The following FBXL7 variants were observed in gnomAD, a reference collection of about 807,000 sequenced individuals.
FBXL7 encodes the protein F-box and leucine rich repeat protein 7, also known as F-box/LRR-repeat protein 7.
Under a neutral mutation model 38.3 loss-of-function variants are expected in FBXL7, and 12 were observed. The observed-to-expected ratio is 0.31, with a 90% CI of 0.20 to 0.51. The LOEUF (loss-of-function observed/expected upper bound fraction) is 0.51. Ranked by LOEUF, FBXL7 falls within the 20% of genes least tolerant of loss-of-function variation. The pLI, the probability that FBXL7 is intolerant of heterozygous loss-of-function variation, is 0.98. For missense variants in FBXL7, 567 were observed against 676.4 expected (o/e 0.84, Z 1.79); for synonymous variants, 297 against 300.9 (o/e 0.99, Z 0.13).
At chr5:15,612,651 C>T (rs187375910) in intron 1 of FBXL7, among the ~76,000 whole-genome samples, 14 of 152,202 alleles carry the variant, frequency 9.2e-5, no homozygotes, top group East Asian at 3.9e-4. Context: ...TAAAGGAAGG[C>T]GCTCTACTCC....
intron 2 of FBXL7, among the ~76,000 whole-genome samples, chr5:15,756,540 T>C (rs1165400739): frequency 6.6e-6 from 1 of 152,190 alleles, no homozygotes; most frequent in African/African-American, 2.4e-5. Context: ...TAAATGGTCA[T>C]GAAGTCACTA....
chr5:15,639,570 C>T (rs1032237305), intron 2 of FBXL7, among the ~76,000 whole-genome samples: 5 of 151,932 alleles, frequency 3.3e-5, no homozygotes, highest in Non-Finnish European at 7.4e-5. Context: ...AGTCTGTTAA[C>T]CCTATTCTTC....
At chr5:15,873,140 C>T (rs1266043134) in intron 2 of FBXL7, among the ~76,000 whole-genome samples, 1 of 152,140 alleles carries the variant, frequency 6.6e-6, no homozygotes, top group Non-Finnish European at 1.5e-5. Flanking sequence ...CTCAAAACTG[C>T]ACAACTACAT....
intron 2 of FBXL7, among the ~76,000 whole-genome samples, chr5:15,832,104 A>G (rs1207899638): frequency 6.6e-6 from 1 of 152,120 alleles, no homozygotes; most frequent in Non-Finnish European, 1.5e-5. Context: ...GAAGTCCCGG[A>G]CCTTTCTAAT....
At chr5:15,854,987 T>G (rs952362403) in intron 2 of FBXL7, among the ~76,000 whole-genome samples, 3 of 152,212 alleles carry the variant, frequency 2.0e-5, no homozygotes, top group Non-Finnish European at 4.4e-5. Context: ...ACTGTTGTAA[T>G]GATAAGACCA....
intron 2 of FBXL7, among the ~76,000 whole-genome samples, chr5:15,804,922 T>C (rs568785792): frequency 5.6e-4 from 85 of 152,262 alleles, no homozygotes; most frequent in Admixed American, 1.2e-3. Context: ...ACCATTGGCT[T>C]AAATAACAGA....
At chr5:15,577,170 G>C (rs1178938642) in intron 1 of FBXL7, among the ~76,000 whole-genome samples, 1 of 152,152 alleles carries the variant, frequency 6.6e-6, no homozygotes, top group Non-Finnish European at 1.5e-5. Flanking sequence ...TCTGACAGGC[G>C]TGGTTCACTC....
At chr5:15,845,364 G>A (rs911607740) in intron 2 of FBXL7, among the ~76,000 whole-genome samples, 1 of 152,080 alleles carries the variant, frequency 6.6e-6, no homozygotes, top group Admixed American at 6.6e-5. Context: ...TAAAATAGAT[G>A]TTCTGATAGG....
intron 1 of FBXL7, among the ~76,000 whole-genome samples, chr5:15,550,445 G>A (rs1401818399): frequency 6.6e-6 from 1 of 152,138 alleles, no homozygotes; most frequent in East Asian, 1.9e-4. Context: ...CCAAAGGATA[G>A]ACTTCTGGAA....
intron 2 of FBXL7, among the ~76,000 whole-genome samples, chr5:15,870,198 G>T (rs1189776207): frequency 3.9e-5 from 6 of 152,196 alleles, no homozygotes; most frequent in African/African-American, 1.4e-4. Flanking sequence ...ATCCATGGGG[G>T]TGGGATGGGG....
intron 2 of FBXL7, among the ~76,000 whole-genome samples, chr5:15,865,225 G>T (rs138818562): frequency 6.6e-6 from 1 of 152,132 alleles, no homozygotes; most frequent in Non-Finnish European, 1.5e-5. Flanking sequence ...GAGGAGTAAC[G>T]CCCTGACTGA....
rs190856649 is a variant in FBXL7, at chr5:15,841,515, G to C, written c.128-86375G>C. On this transcript the variant is annotated intron_variant, in intron 2 of 3. Transcript: ENST00000504595. ...CTCATTTTAACCTGGTAACCTGGTA[G>C]CTTGCAGTGGTCGATTTCTGATGTT... 5.9e-5 allele frequency among the ~76,000 whole-genome samples: 9 copies of C among 152,100 alleles called. No individual in the cohort carries two copies. The East Asian group carries it at 1.5e-3, about 26-fold the overall frequency.
intron 2 of FBXL7, among the ~76,000 whole-genome samples, chr5:15,746,369 A>G (rs1736013927): frequency 6.6e-6 from 1 of 152,150 alleles, no homozygotes; most frequent in Non-Finnish European, 1.5e-5. Context: ...CTATATATAG[A>G]TGATGTTTGA....
At chr5:15,618,610 A>G (rs542732036) in intron 2 of FBXL7, among the ~76,000 whole-genome samples, 2 of 152,292 alleles carry the variant, frequency 1.3e-5, no homozygotes, top group East Asian at 1.9e-4. Context: ...GGAAGAGACC[A>G]TTCAGGATAA....
At chr5:15,760,465 TGAAAGTATTCAG>T (rs1294880313) in intron 2 of FBXL7, among the ~76,000 whole-genome samples, 2 of 151,762 alleles carry the variant, frequency 1.3e-5, no homozygotes. Flanking sequence ...GAGTCCTAGA[TGAAAGTATTCAG>T]GTCCGTCATG....
chr5:15,613,241 C>G (rs1360256195), intron 1 of FBXL7, among the ~76,000 whole-genome samples: 1 of 152,130 alleles, frequency 6.6e-6, no homozygotes, highest in African/African-American at 2.4e-5. Flanking sequence ...GAAATTTCCC[C>G]TACCAGATAC....
At chr5:15,678,912 A>C (rs1376418686) in intron 2 of FBXL7, among the ~76,000 whole-genome samples, 1 of 152,244 alleles carries the variant, frequency 6.6e-6, no homozygotes, top group African/African-American at 2.4e-5. Context: ...AAATGGACTA[A>C]TACAAATGTC....
chr5:15,825,853 A>G (rs986405940), intron 2 of FBXL7, among the ~76,000 whole-genome samples: 4 of 152,226 alleles, frequency 2.6e-5, no homozygotes, highest in African/African-American at 9.6e-5. Context: ...CAGTTGTCTT[A>G]TTTTAGAGAG....
chr5:15,748,781 C>A (rs1179252884), intron 2 of FBXL7, among the ~76,000 whole-genome samples: 1 of 152,148 alleles, frequency 6.6e-6, no homozygotes, highest in Non-Finnish European at 1.5e-5. Flanking sequence ...TAGCTCACTG[C>A]AGGCTCAAAC....
Sources: gnomAD v4.1 joint callset for allele counts (sites outside exome capture counted in the v4.1 genomes callset) on GRCh38, gnomAD v4.1.1 for gene constraint, MANE v1.5 for transcripts, NCBI Gene and HGNC (gene_info 2026-07-23, HGNC 2026-07-21) for gene names.